PIK3C2G: variants seen among roughly 807,000 people sequenced by gnomAD.
PIK3C2G encodes phosphatidylinositol-4-phosphate 3-kinase catalytic subunit type 2 gamma.
PIK3C2G carries 168 observed loss-of-function variants against 181.1 expected under a neutral mutation model. That is an observed-to-expected ratio of 0.93 (90% CI 0.82 to 1.05). The LOEUF (loss-of-function observed/expected upper bound fraction) is 1.05, where lower values mean the gene tolerates loss of function less well. Ranked by LOEUF, PIK3C2G falls within the 50% of genes least tolerant of loss-of-function variation. PIK3C2G has a pLI of 0.00. For synonymous variants in PIK3C2G, 573 were observed against 592.2 expected (o/e 0.97, Z 0.47); for missense variants, 1,869 against 1,732.8 (o/e 1.08, Z -1.40).
In PIK3C2G at chr12:18,362,823, T is replaced by G; in HGVS notation, c.1685T>G (p.Val562Gly). ...TATGCTGGAAAGAAGCTGTGCCAAG[T>G]GAGAAACTACAGAAATATTCCAGAC... ...LTYAGKKLCQ[V>G]RNYRNIPDKK... The change falls in exon 12 of 33, where the codon GTG (valine) becomes GGG (glycine). Residue 562 changes from valine (V) to glycine (G), a missense_variant. Physicochemically the swap from Val to Gly is moderately radical, Grantham distance 109. Coordinates refer to ENST00000538779, the MANE Select transcript of PIK3C2G (RefSeq NM_001288772.2). 6.6e-7 allele frequency: 1 copy of G among 1,523,090 alleles called. No homozygotes were observed. Among genetic ancestry groups the G allele is most frequent in the South Asian group, 1.2e-5 (1 of 81,426 alleles). The allele number at this position is 1,523,090 out of a possible 1,614,324, so 94.3% of individuals were successfully genotyped here. A position where few individuals can be genotyped will look rare whatever the true frequency, so the allele number is the denominator to read the frequency against.
chr12:18,368,319 G>T (rs940914795), intron 12 of PIK3C2G, among the ~76,000 whole-genome samples: 1 of 152,126 alleles, frequency 6.6e-6, no homozygotes, highest in African/African-American at 2.4e-5. Context: ...GCCATATATT[G>T]TGTTATAGAA....
At chr12:18,532,593 A>G (rs1039485885) in intron 24 of PIK3C2G, among the ~76,000 whole-genome samples, 1 of 152,156 alleles carries the variant, frequency 6.6e-6, no homozygotes, top group African/African-American at 2.4e-5. Context: ...TCACTGAATT[A>G]CTTTTACAAC....
intron 18 of PIK3C2G, among the ~76,000 whole-genome samples, chr12:18,450,955 T>G (rs1324284026): frequency 1.3e-5 from 2 of 152,234 alleles, no homozygotes; most frequent in Non-Finnish European, 2.9e-5. Flanking sequence ...TTGATACCAG[T>G]ACCATGCTCT....
chr12:18,700,849 T>C, the PIK3C2G span, among the ~76,000 whole-genome samples: 1 of 152,154 alleles, frequency 6.6e-6, no homozygotes, highest in Non-Finnish European at 1.5e-5. Flanking sequence ...ACATATAACA[T>C]TATGTATTAT....
At chr12:18,548,245 T>A (rs568034088) in intron 26 of PIK3C2G, among the ~76,000 whole-genome samples, 40 of 151,932 alleles carry the variant, frequency 2.6e-4, no homozygotes, top group African/African-American at 8.0e-4. Flanking sequence ...AGGAGGAGCA[T>A]GGAGAAAGCT....
chr12:18,692,196 A>G, the PIK3C2G span, among the ~76,000 whole-genome samples: 1 of 152,178 alleles, frequency 6.6e-6, no homozygotes, highest in Admixed American at 6.5e-5. Context: ...GGACAGAAAC[A>G]TAAACACTAC....
chr12:18,642,097 A>G (rs1289295996), intron 32 of PIK3C2G, among the ~76,000 whole-genome samples: 1 of 152,148 alleles, frequency 6.6e-6, no homozygotes, highest in Non-Finnish European at 1.5e-5. Context: ...TGAATGTCTC[A>G]TAGGCACTTT....
At chr12:18,557,848 A>G (rs1164153519) in intron 26 of PIK3C2G, among the ~76,000 whole-genome samples, 1 of 152,330 alleles carries the variant, frequency 6.6e-6, no homozygotes, top group East Asian at 1.9e-4. Context: ...AACAAAAAAT[A>G]TGCAAGACCA....
At chr12:18,435,475 G>A (rs1420073283) in intron 18 of PIK3C2G, among the ~76,000 whole-genome samples, 1 of 151,964 alleles carries the variant, frequency 6.6e-6, no homozygotes, top group Non-Finnish European at 1.5e-5. Flanking sequence ...CAGGTCATGG[G>A]TAACCTCCAG....
chr12:18,661,041 G>A, the PIK3C2G span, among the ~76,000 whole-genome samples: 4 of 152,166 alleles, frequency 2.6e-5, no homozygotes, highest in South Asian at 8.3e-4. Context: ...AGAATTGAAG[G>A]GTATATATAT....
intron 5 of PIK3C2G, among the ~76,000 whole-genome samples, chr12:18,312,861 T>C (rs987254837): frequency 2.6e-5 from 4 of 152,118 alleles, no homozygotes; most frequent in Non-Finnish European, 5.9e-5. Context: ...CTATATAGTA[T>C]AGTAAATTCT....
chr12:18,696,220 A>T, the PIK3C2G span: 1 of 1,601,082 alleles, frequency 6.2e-7, no homozygotes, highest in Non-Finnish European at 8.5e-7. Flanking sequence ...TTGCTTTGGG[A>T]TATATTCTGG....
the PIK3C2G span, among the ~76,000 whole-genome samples, chr12:18,674,289 A>C: frequency 6.6e-6 from 1 of 152,198 alleles, no homozygotes; most frequent in Non-Finnish European, 1.5e-5. Context: ...GATTTCTCTC[A>C]TTTCCTGAAT....
At chr12:18,504,756 T>C (rs1453363638) in intron 23 of PIK3C2G, among the ~76,000 whole-genome samples, 2 of 152,240 alleles carry the variant, frequency 1.3e-5, no homozygotes, top group Non-Finnish European at 2.9e-5. Context: ...TTCACTGATA[T>C]ATATGTACTA....
intron 24 of PIK3C2G, among the ~76,000 whole-genome samples, chr12:18,517,596 T>A (rs1335095178): frequency 6.6e-6 from 1 of 152,174 alleles, no homozygotes; most frequent in Non-Finnish European, 1.5e-5. Context: ...TCCTGAGACT[T>A]TGCTGAAGTT....
chr12:18,257,063 G>C (rs1948152866), upstream of PIK3C2G, among the ~76,000 whole-genome samples: 1 of 152,064 alleles, frequency 6.6e-6, no homozygotes, highest in South Asian at 2.1e-4. Context: ...TCAGAAAGAG[G>C]GAAAGGTTCC....
At chr12:18,244,096 C>A, upstream of PIK3C2G, among the ~76,000 whole-genome samples, 1 of 151,992 alleles carries the variant, frequency 6.6e-6, no homozygotes, top group East Asian at 1.9e-4. Flanking sequence ...ATTAAAAATA[C>A]ATTAGTTGTC....
At chr12:18,492,879 T>C (rs1225688384) in intron 20 of PIK3C2G, among the ~76,000 whole-genome samples, 1 of 152,184 alleles carries the variant, frequency 6.6e-6, no homozygotes, top group Non-Finnish European at 1.5e-5. Context: ...CTTCCCTATA[T>C]AGCACCCTAC....
intron 5 of PIK3C2G, among the ~76,000 whole-genome samples, chr12:18,309,365 A>T (rs946663410): frequency 2.0e-5 from 3 of 151,790 alleles, no homozygotes; most frequent in Admixed American, 2.0e-4. Flanking sequence ...AAAGTCTATA[A>T]GTATTGGTTA....
Sources: allele counts gnomAD v4.1 joint callset (sites outside exome capture counted in the v4.1 genomes callset), GRCh38; gene constraint gnomAD v4.1.1; transcripts MANE v1.5; gene names NCBI Gene and HGNC (gene_info 2026-07-23, HGNC 2026-07-21).